KCNJ3: variants seen among roughly 807,000 people sequenced by gnomAD.
KCNJ3 encodes G protein-activated inward rectifier potassium channel 1.
Under a neutral mutation model 39.2 loss-of-function variants are expected in KCNJ3, and 4 were observed. That is an observed-to-expected ratio of 0.10 (90% CI 0.05 to 0.23). The LOEUF is 0.23. KCNJ3 is among the 10% of genes least tolerant of loss of function. The pLI, the probability that KCNJ3 is intolerant of heterozygous loss-of-function variation, is 1.00. For synonymous variants in KCNJ3, 230 were observed against 237.4 expected (o/e 0.97, Z 0.29); for missense variants, 276 against 634.9 (o/e 0.43, Z 6.08).
At chr2:154,809,504 G>A (rs2652451) in intron 2 of KCNJ3, among the ~76,000 whole-genome samples, 24,425 of 152,192 alleles carry the variant, frequency 0.16, 2,486 homozygotes, top group East Asian at 0.37. Context: ...GCAATTATCA[G>A]AAGCTCTCAT....
chr2:154,855,621 A>T lies in KCNJ3; in HGVS notation c.*308A>T, dbSNP rs1012168494. 3 of 160,224 alleles carry T rather than the reference A, an allele frequency of 1.9e-5. No individual in the cohort carries two copies. The highest frequency in any genetic ancestry group is 1.7e-4 in the South Asian group (1 of 6,038). 9.9% of individuals were successfully genotyped at this position (160,224 alleles called of 1,614,324 possible). A position where few individuals can be genotyped will look rare whatever the true frequency, so the allele number is the denominator to read the frequency against. On this transcript the variant is annotated 3_prime_UTR_variant, in exon 3 of 3. Transcript: ENST00000295101. ...TATTTATATTGTATATTCTGGAAAA[A>T]AAATATATATATATATTTAAAGGGG...
chr2:154,768,667 C>A (rs1467865768), intron 2 of KCNJ3, among the ~76,000 whole-genome samples: 2 of 152,196 alleles, frequency 1.3e-5, no homozygotes, highest in East Asian at 1.9e-4. Flanking sequence ...CTTGGCAATG[C>A]GGGCTCTTTT....
intron 2 of KCNJ3, among the ~76,000 whole-genome samples, chr2:154,712,539 G>A (rs890771714): frequency 6.6e-6 from 1 of 151,994 alleles, no homozygotes; most frequent in African/African-American, 2.4e-5. Flanking sequence ...AGTATGTATC[G>A]AATGTGTGTT....
At chr2:154,730,381 G>A (rs547803188) in intron 2 of KCNJ3, among the ~76,000 whole-genome samples, 2 of 152,164 alleles carry the variant, frequency 1.3e-5, no homozygotes, top group South Asian at 4.1e-4. Context: ...TCCTTGCTCA[G>A]CCAAGTTTTA....
chr2:154,847,674 A>C lies in KCNJ3; in HGVS notation c.920-7053A>C, dbSNP rs189642503. 4.9e-4 allele frequency among the ~76,000 whole-genome samples: 74 copies of C among 152,314 alleles called. 1 individual carries two copies. In the South Asian group the frequency reaches 0.015, roughly 31 times the overall value. On this transcript the variant is annotated intron_variant, in intron 2 of 2. Coordinates refer to ENST00000295101, the MANE Select transcript of KCNJ3 (RefSeq NM_002239.4). Reference sequence around the variant, plus strand: ...GGATTCTTCTGAGAGAAAATTATCAATATTTATTGTGCATGTAGTTTACAT... The same window carrying C: ...GGATTCTTCTGAGAGAAAATTATCACTATTTATTGTGCATGTAGTTTACAT...
At chr2:154,821,635 ATTTTTTTT>A (rs71422263) in intron 2 of KCNJ3, among the ~76,000 whole-genome samples, 3 of 88,072 alleles carry the variant, frequency 3.4e-5, no homozygotes, top group East Asian at 4.1e-4. Flanking sequence ...AGAATATGTG[ATTTTTTTT>A]TTTTTTTTTT....
intron 2 of KCNJ3, among the ~76,000 whole-genome samples, chr2:154,853,768 T>A (rs576282978): frequency 6.6e-6 from 1 of 152,180 alleles, no homozygotes; most frequent in East Asian, 1.9e-4. Flanking sequence ...TGTAACACAA[T>A]CGAAATAAAT....
At chr2:154,737,211 G>A (rs917657441) in intron 2 of KCNJ3, among the ~76,000 whole-genome samples, 3 of 152,170 alleles carry the variant, frequency 2.0e-5, no homozygotes, top group East Asian at 1.9e-4. Context: ...ATTTTGGGAC[G>A]TTGTGTAGAA....
intron 2 of KCNJ3, among the ~76,000 whole-genome samples, chr2:154,751,814 T>G (rs1685849476): frequency 6.6e-6 from 1 of 152,006 alleles, no homozygotes; most frequent in Non-Finnish European, 1.5e-5. Flanking sequence ...ATTGATGGAC[T>G]CTTCTCCAAG....
intron 2 of KCNJ3, among the ~76,000 whole-genome samples, chr2:154,813,720 G>T (rs1339809073): frequency 1.1e-4 from 16 of 152,128 alleles, no homozygotes; most frequent in Admixed American, 1.0e-3. Context: ...CATATCTAGA[G>T]ATCAAAATGT....
chr2:154,812,503 A>G (rs374759113), intron 2 of KCNJ3, among the ~76,000 whole-genome samples: 15 of 152,278 alleles, frequency 9.9e-5, no homozygotes, highest in African/African-American at 3.6e-4. Flanking sequence ...TGACTTTTCT[A>G]TTGTGAAAGC....
intron 2 of KCNJ3, among the ~76,000 whole-genome samples, chr2:154,835,623 C>A (rs532024196): frequency 2.8e-4 from 42 of 151,746 alleles, no homozygotes; most frequent in African/African-American, 9.7e-4. Flanking sequence ...CTAATGATTC[C>A]TAAGAGTATA....
chr2:154,742,852 T>C (rs758492575), intron 2 of KCNJ3, among the ~76,000 whole-genome samples: 10 of 151,730 alleles, frequency 6.6e-5, no homozygotes, highest in Non-Finnish European at 1.0e-4. Context: ...TAGTGTCTTT[T>C]GAAGCAAAAA....
At chr2:154,811,350 C>A (rs1160987905) in intron 2 of KCNJ3, among the ~76,000 whole-genome samples, 1 of 152,140 alleles carries the variant, frequency 6.6e-6, no homozygotes, top group South Asian at 2.1e-4. Flanking sequence ...AATGAAATAC[C>A]TCCTCAGGAA....
chr2:154,734,200 G>C (rs753078460), intron 2 of KCNJ3, among the ~76,000 whole-genome samples: 4 of 152,156 alleles, frequency 2.6e-5, no homozygotes, highest in Non-Finnish European at 4.4e-5. Context: ...ACAGAATTCT[G>C]CAAGACTGAA....
chr2:154,764,417 A>G (rs1194323193), intron 2 of KCNJ3, among the ~76,000 whole-genome samples: 2 of 152,182 alleles, frequency 1.3e-5, no homozygotes, highest in Non-Finnish European at 2.9e-5. Context: ...TCCATCCTGT[A>G]TCATATTTCA....
intron 2 of KCNJ3, among the ~76,000 whole-genome samples, chr2:154,787,590 A>G (rs1686555069): frequency 6.6e-6 from 1 of 152,022 alleles, no homozygotes; most frequent in African/African-American, 2.4e-5. Flanking sequence ...TGTTTTATCA[A>G]ACTTTTCCGA....
At chr2:154,823,427 G>A (rs1687216460) in intron 2 of KCNJ3, among the ~76,000 whole-genome samples, 2 of 147,602 alleles carry the variant, frequency 1.4e-5, no homozygotes, top group African/African-American at 2.5e-5. Context: ...TTTTTACATC[G>A]AGTCAATGAC....
At chr2:154,810,891 C>T (rs951013976) in intron 2 of KCNJ3, among the ~76,000 whole-genome samples, 4 of 152,078 alleles carry the variant, frequency 2.6e-5, no homozygotes, top group Non-Finnish European at 5.9e-5. Flanking sequence ...TCATATAAAA[C>T]TTTGTCAGAA....
Sources: gnomAD v4.1 joint callset for allele counts (sites outside exome capture counted in the v4.1 genomes callset) on GRCh38, gnomAD v4.1.1 for gene constraint, MANE v1.5 for transcripts, NCBI Gene and HGNC (gene_info 2026-07-23, HGNC 2026-07-21) for gene names.